The following ASAP1 variants were observed in gnomAD, a reference collection of about 807,000 sequenced individuals.
The protein encoded by ASAP1 is ArfGAP with SH3 domain, ankyrin repeat and PH domain 1.
In ASAP1, 43 loss-of-function variants were observed where a neutral mutation model predicts 145.2. The observed-to-expected ratio is 0.30, with a 90% confidence interval of 0.23 to 0.38. The LOEUF (loss-of-function observed/expected upper bound fraction) is 0.38. ASAP1 is among the 10% of genes least tolerant of loss of function. The pLI, the probability that ASAP1 is intolerant of heterozygous loss-of-function variation, is 1.00. For missense variants in ASAP1, 1,018 were observed against 1,355.3 expected, an observed-to-expected ratio of 0.75 and a Z score of 3.91; for synonymous variants, 546 against 515.5, an observed-to-expected ratio of 1.06 and a Z score of -0.80.
At chr8:130,320,568 T>A (rs1356560916) in intron 3 of ASAP1, among the ~76,000 whole-genome samples, 1 of 151,650 alleles carries the variant, frequency 6.6e-6, no homozygotes, top group South Asian at 2.1e-4. Context: ...AAAGAATACA[T>A]ACATACATAT....
At chr8:130,064,538 T>C (rs141286735) in intron 27 of ASAP1, among the ~76,000 whole-genome samples, 11 of 152,258 alleles carry the variant, frequency 7.2e-5, no homozygotes, top group African/African-American at 2.6e-4. Flanking sequence ...CTTGCTCCTC[T>C]AACCGTGCTT....
intron 3 of ASAP1, among the ~76,000 whole-genome samples, chr8:130,254,876 A>T (rs1346014602): frequency 6.6e-6 from 1 of 152,194 alleles, no homozygotes; most frequent in African/African-American, 2.4e-5. Flanking sequence ...AGAACACAGG[A>T]TGGCATCAAA....
Position 130,118,199 on chromosome 8 carries a change from C to G in ASAP1, c.1842G>C (p.Gln614His), listed in dbSNP as rs1448563156. The change falls in exon 20 of 30, where the codon CAG becomes CAC. Residue 614 changes from glutamine (Q) to histidine (H), a missense_variant. Coordinates refer to ENST00000518721, the MANE Select transcript of ASAP1 (RefSeq NM_018482.4). ...ALHLAVRTAD[Q>H]TSLHLVDFLV... ...GGAAGTCAACCAAATGGAGAGATGT[C>G]TGATCTGCAGTTCGGACGGCAAGGT... 1.9e-6 allele frequency: 3 copies of G among 1,613,924 alleles called. No individual in the cohort carries two copies. The highest frequency in any genetic ancestry group is 4.5e-5 in the East Asian group (2 of 44,878).
intron 2 of ASAP1, among the ~76,000 whole-genome samples, chr8:130,370,146 CA>C (rs1326256918): frequency 6.6e-6 from 1 of 152,094 alleles, no homozygotes; most frequent in Non-Finnish European, 1.5e-5. Context: ...ACCAAAAATA[CA>C]AAAAATTACC....
chr8:130,354,190 G>A (rs542658587), intron 3 of ASAP1, among the ~76,000 whole-genome samples: 3 of 151,996 alleles, frequency 2.0e-5, no homozygotes, highest in East Asian at 1.9e-4. Context: ...GCGCCCAGCC[G>A]GGAGGGAGAT....
chr8:130,325,446 T>C (rs2137716241), intron 3 of ASAP1, among the ~76,000 whole-genome samples: 1 of 152,326 alleles, frequency 6.6e-6, no homozygotes, highest in South Asian at 2.1e-4. Flanking sequence ...GAAAAAGACA[T>C]CTGTAGCACT....
At chr8:130,407,605 G>A (rs79952265) in intron 1 of ASAP1, among the ~76,000 whole-genome samples, 2,846 of 152,292 alleles carry the variant, frequency 0.019, 96 homozygotes, top group African/African-American at 0.059. Context: ...GCACCTGCCT[G>A]CTAAAGTGAA....
intron 5 of ASAP1, among the ~76,000 whole-genome samples, chr8:130,202,452 T>C (rs1363691054): frequency 6.6e-6 from 1 of 152,094 alleles, no homozygotes; most frequent in Non-Finnish European, 1.5e-5. Context: ...TGGAACAGAG[T>C]GGGCACTTGG....
At chr8:130,176,515 GT>G (rs1487528396) in intron 9 of ASAP1, among the ~76,000 whole-genome samples, 1 of 152,068 alleles carries the variant, frequency 6.6e-6, no homozygotes, top group Non-Finnish European at 1.5e-5. Context: ...GGTTTTTACT[GT>G]GTAGGGTTTT....
intron 3 of ASAP1, among the ~76,000 whole-genome samples, chr8:130,261,092 C>A (rs1325638140): frequency 6.6e-6 from 1 of 152,166 alleles, no homozygotes. Flanking sequence ...TGTGAGGAAG[C>A]CATGCCAGTG....
intron 27 of ASAP1, among the ~76,000 whole-genome samples, chr8:130,072,824 T>TGTGCGTGTGCGCGCGCGCGCGCGCGCGC: frequency 3.1e-5 from 1 of 32,282 alleles, no homozygotes; most frequent in African/African-American, 1.2e-4. Flanking sequence ...TGTGTGTGTG[T>TGTGCGTGTGCGCGCGCGCGCGCGCGCGC]GCGCGCGGGG....
At chr8:130,055,909 C>CT (rs1160885719) in intron 29 of ASAP1, among the ~76,000 whole-genome samples, 1 of 152,202 alleles carries the variant, frequency 6.6e-6, no homozygotes. Flanking sequence ...TGTGTGAGGT[C>CT]TTTGTGAATT....
At chr8:130,057,687 A>C (rs942563307) in intron 29 of ASAP1, among the ~76,000 whole-genome samples, 1 of 152,120 alleles carries the variant, frequency 6.6e-6, no homozygotes, top group Non-Finnish European at 1.5e-5. Flanking sequence ...CGACCTCGAG[A>C]TCCATCCGCC....
At chr8:130,161,278 G>A (rs1030912060) in intron 11 of ASAP1, among the ~76,000 whole-genome samples, 1 of 152,092 alleles carries the variant, frequency 6.6e-6, no homozygotes, top group Non-Finnish European at 1.5e-5. Context: ...TAGTGTCGAG[G>A]TAAGCTGAAC....
chr8:130,161,118 T>A (rs1410807150), intron 11 of ASAP1, among the ~76,000 whole-genome samples: 1 of 152,056 alleles, frequency 6.6e-6, no homozygotes, highest in Non-Finnish European at 1.5e-5. Flanking sequence ...TGTGTATGTA[T>A]AGGGAATCAA....
At chr8:130,404,174 C>T (rs1206587094) in intron 1 of ASAP1, among the ~76,000 whole-genome samples, 1 of 152,184 alleles carries the variant, frequency 6.6e-6, no homozygotes, top group Non-Finnish European at 1.5e-5. Flanking sequence ...CTCTACAATG[C>T]CCGGCACAAC....
At chr8:130,120,788 T>TA (rs1266160548) in intron 18 of ASAP1, among the ~76,000 whole-genome samples, 1 of 152,234 alleles carries the variant, frequency 6.6e-6, no homozygotes, top group East Asian at 1.9e-4. Context: ...TCTGGCCTCT[T>TA]ACTAGGCACA....
At chr8:130,260,561 C>A (rs2136964700) in intron 3 of ASAP1, among the ~76,000 whole-genome samples, 1 of 152,320 alleles carries the variant, frequency 6.6e-6, no homozygotes, top group South Asian at 2.1e-4. Context: ...AGCACCAGGA[C>A]TAAATCTGGG....
chr8:130,224,287 C>T (rs1056406954), intron 4 of ASAP1, among the ~76,000 whole-genome samples: 33 of 152,180 alleles, frequency 2.2e-4, no homozygotes, highest in African/African-American at 7.7e-4. Flanking sequence ...TGACATAAAT[C>T]ATAGCACTGC....
Sources: allele counts gnomAD v4.1 joint callset (sites outside exome capture counted in the v4.1 genomes callset), GRCh38; gene constraint gnomAD v4.1.1; transcripts MANE v1.5; gene names NCBI Gene and HGNC (gene_info 2026-07-23, HGNC 2026-07-21).